The following NUP205 variants were observed in gnomAD, a reference collection of about 807,000 sequenced individuals.
NUP205 encodes the protein nuclear pore complex protein Nup205.
In NUP205, 76 loss-of-function variants were observed where a neutral mutation model predicts 253.8. The ratio of observed to expected loss-of-function variants is 0.30; its 90% CI spans 0.25 to 0.36. NUP205 has a LOEUF of 0.36. Ranked by LOEUF, NUP205 falls within the 10% of genes least tolerant of loss-of-function variation. The pLI, the probability that NUP205 is intolerant of heterozygous loss-of-function variation, is 1.00. For missense variants in NUP205, 2,162 were observed against 2,425.5 expected (o/e 0.89, Z 2.28); for synonymous variants, 832 against 850.1 (o/e 0.98, Z 0.37).
chr7:135,597,191 C>A, intron 13 of NUP205, 177 bp from the exon 14 acceptor site: 1 of 474,492 alleles, frequency 2.1e-6, no homozygotes. Context: ...AGTTCTATCT[C>A]AACCTGGCAG....
At chr7:135,589,155 G>GT (rs1221875772) in intron 10 of NUP205, among the ~76,000 whole-genome samples, 21 of 148,842 alleles carry the variant, frequency 1.4e-4, no homozygotes, top group African/African-American at 5.0e-4. Flanking sequence ...AGGCAACAGA[G>GT]TGAGACCCTG....
At chr7:135,560,147 T>G (rs1388329872) in intron 1 of NUP205, among the ~76,000 whole-genome samples, 2 of 152,056 alleles carry the variant, frequency 1.3e-5, no homozygotes, top group African/African-American at 4.8e-5. Context: ...TGTGAGCCAC[T>G]GCGCCTGGCC....
intron 1 of NUP205, among the ~76,000 whole-genome samples, chr7:135,567,134 A>ATG (rs1805793630): frequency 1.6e-4 from 2 of 12,582 alleles, no homozygotes; most frequent in African/African-American, 4.3e-4. Flanking sequence ...GTGTGTATAT[A>ATG]TATATATATA....
intron 41 of NUP205, 89 bp from the exon 42 acceptor site, chr7:135,646,069 A>T: frequency 1.2e-6 from 1 of 835,472 alleles, no homozygotes; most frequent in Non-Finnish European, 2.0e-6. Context: ...TCATGGTGCT[A>T]TTGTTATTAT....
intron 31 of NUP205, among the ~76,000 whole-genome samples, chr7:135,623,506 G>A (rs1158945499): frequency 3.9e-5 from 6 of 152,058 alleles, no homozygotes; most frequent in African/African-American, 4.8e-5. Context: ...CAACAGAAAC[G>A]CTGCTTAATA....
intron 1 of NUP205, among the ~76,000 whole-genome samples, chr7:135,560,613 G>A (rs111949372): frequency 6.6e-5 from 10 of 152,240 alleles, no homozygotes; most frequent in South Asian, 2.1e-4. Flanking sequence ...ATAACATAAC[G>A]TATACATGCA....
intron 1 of NUP205, among the ~76,000 whole-genome samples, chr7:135,569,755 C>CT (rs893882480): frequency 7.9e-5 from 12 of 151,858 alleles, no homozygotes; most frequent in Admixed American, 2.0e-4. Flanking sequence ...AAATGTGATC[C>CT]TTTTTATATG....
At chr7:135,580,025 C>T (rs760246253) in intron 7 of NUP205, among the ~76,000 whole-genome samples, 8 of 152,170 alleles carry the variant, frequency 5.3e-5, no homozygotes, top group Non-Finnish European at 8.8e-5. Flanking sequence ...ATTTAATTGT[C>T]ATATTAGTAG....
chr7:135,635,720 C>T, intron 36 of NUP205, 63 bp downstream of exon 36: 1 of 916,098 alleles, frequency 1.1e-6, no homozygotes, highest in South Asian at 1.8e-5. Flanking sequence ...TACCATCCTC[C>T]CCATTGTGCC....
intron 24 of NUP205, 123 bp downstream of exon 24, chr7:135,616,188 T>G (rs777379580): frequency 1.1e-4 from 100 of 913,060 alleles, no homozygotes; most frequent in Non-Finnish European, 1.5e-4. Context: ...TTAGAATTTT[T>G]TTTTCTTAAA....
chr7:135,594,984 G>C (rs766540261), intron 13 of NUP205, among the ~76,000 whole-genome samples: 1 of 151,932 alleles, frequency 6.6e-6, no homozygotes, highest in Non-Finnish European at 1.5e-5. Context: ...CTTATTTTTC[G>C]ATGTCTATTA....
chr7:135,629,889 A>AT (rs972742873), intron 34 of NUP205, among the ~76,000 whole-genome samples: 3 of 152,084 alleles, frequency 2.0e-5, no homozygotes, highest in Admixed American at 6.6e-5. Flanking sequence ...CTTTTATGTG[A>AT]TTTCCCCATG....
chr7:135,562,912 C>T (rs114765001), intron 1 of NUP205, among the ~76,000 whole-genome samples: 257 of 152,296 alleles, frequency 1.7e-3, no homozygotes, highest in Middle Eastern at 6.8e-3. Context: ...TTCTGTACTG[C>T]AGCTCTCTTG....
In NUP205 at chr7:135,587,987, C is replaced by A. The variant is rs752207070; in HGVS notation, c.1468C>A (p.Arg490Ser). Reference sequence around the variant, plus strand: ...GGTGGCTCATCAGCGGCCCCCTCAACGCCAGGTGAGTCTTTAGGTTTTCCT... The same window carrying A: ...GGTGGCTCATCAGCGGCCCCCTCAAAGCCAGGTGAGTCTTTAGGTTTTCCT... ...LGVAHQRPPQ[R>S]QVVLSKFVRQ... The change falls in exon 10 of 43, where the codon CGC becomes AGC. Residue 490 changes from arginine (R) to serine (S), a missense_variant. Arg to Ser is a moderately radical substitution (Grantham distance 110). Coordinates refer to ENST00000285968, the MANE Select transcript of NUP205 (RefSeq NM_015135.3). 2.5e-6 allele frequency: 4 copies of A among 1,611,358 alleles called. No homozygotes were observed. Among genetic ancestry groups the A allele is most frequent in the East Asian group, 2.2e-5 (1 of 44,870 alleles).
At position 135,584,990 on chromosome 7, in the gene NUP205, G is replaced by A. The variant is rs766427660; in HGVS notation, c.1201G>A (p.Ala401Thr). 5 of 1,611,436 alleles carry A rather than the reference G, an allele frequency of 3.1e-6. No homozygotes were observed. The South Asian group carries it at 5.5e-5, about 18-fold the overall frequency. ...RVHNLITDFLALMPMKVKQLR... is the reference protein window; with the variant it reads ...RVHNLITDFLTLMPMKVKQLR... ...CCATAATCTCATCACAGATTTCCTT[G>A]CACTTATGCCAATGAAGGTAAGTGT... Residue 401 changes from alanine to threonine, a missense_variant, in exon 8 of 43, where the codon GCA becomes ACA. Coordinates refer to ENST00000285968, the MANE Select transcript of NUP205 (RefSeq NM_015135.3).
At chr7:135,558,423 C>T (rs369164268) in intron 1 of NUP205, among the ~76,000 whole-genome samples, 7 of 152,312 alleles carry the variant, frequency 4.6e-5, no homozygotes, top group African/African-American at 1.7e-4. Context: ...GCAGCGAATA[C>T]TCCCTATTAT....
chr7:135,589,078 G>A lies in NUP205; in HGVS notation c.1473+1086G>A, dbSNP rs1388555143. 2.0e-5 allele frequency among the ~76,000 whole-genome samples: 3 copies of A among 150,446 alleles called. No individual in the cohort carries two copies. In the East Asian group the frequency reaches 5.8e-4, roughly 29 times the overall value. ...GTCCTAGCTGCTCAGGCTGAGGCAA[G>A]AGGACACGTTGAGCCCCGGGGTTTG... On this transcript the variant is annotated intron_variant, in intron 10 of 42. Coordinates refer to ENST00000285968, the MANE Select transcript of NUP205 (RefSeq NM_015135.3).
At chr7:135,617,744 G>A (rs1482682608) in intron 27 of NUP205, 62 bp downstream of exon 27, 1 of 1,013,104 alleles carries the variant, frequency 9.9e-7, no homozygotes, top group Non-Finnish European at 1.5e-6. Context: ...CTGGTGAAAA[G>A]ACTAAAATAG....
intron 1 of NUP205, among the ~76,000 whole-genome samples, chr7:135,566,706 T>C (rs1196985619): frequency 6.6e-6 from 1 of 152,130 alleles, no homozygotes; most frequent in East Asian, 1.9e-4. Context: ...TATCTTTTAT[T>C]ATACTGATAT....
Sources: gnomAD v4.1 joint callset for allele counts (sites outside exome capture counted in the v4.1 genomes callset) on GRCh38, gnomAD v4.1.1 for gene constraint, MANE v1.5 for transcripts, NCBI Gene and HGNC (gene_info 2026-07-23, HGNC 2026-07-21) for gene names.